MAPRE2: variants seen among roughly 807,000 people sequenced by gnomAD.
MAPRE2 encodes the protein microtubule-associated protein RP/EB family member 2.
A neutral mutation model predicts 43.2 loss-of-function variants in MAPRE2; 13 were observed. That is an observed-to-expected ratio of 0.30 (90% CI 0.20 to 0.48). MAPRE2 has a LOEUF of 0.48. MAPRE2 is among the 20% of genes least tolerant of loss of function. The probability of loss-of-function intolerance (pLI) is 0.99; values close to 1 mark genes in which losing one functional copy is unlikely to be tolerated. For synonymous variants in MAPRE2, 135 were observed against 148.8 expected (o/e 0.91, Z 0.68); for missense variants, 161 against 400.2 (o/e 0.40, Z 5.10).
At chr18:35,049,360 G>GA (rs1331322517) in intron 1 of MAPRE2, among the ~76,000 whole-genome samples, 1 of 152,162 alleles carries the variant, frequency 6.6e-6, no homozygotes, top group African/African-American at 2.4e-5. Context: ...TGGAGTGCCA[G>GA]AAAGTGTTTT....
intron 2 of MAPRE2, among the ~76,000 whole-genome samples, chr18:35,008,677 T>A (rs1289511434): frequency 1.3e-5 from 2 of 152,200 alleles, no homozygotes; most frequent in Non-Finnish European, 2.9e-5. Flanking sequence ...TTTATACAGA[T>A]CTTGTTGTTG....
intron 1 of MAPRE2, among the ~76,000 whole-genome samples, chr18:35,052,087 A>G (rs968683082): frequency 1.3e-5 from 2 of 152,204 alleles, no homozygotes; most frequent in African/African-American, 4.8e-5. Flanking sequence ...CAACTTTATT[A>G]AGAATTTATG....
At chr18:34,979,688 A>G (rs564012454) in intron 1 of MAPRE2, among the ~76,000 whole-genome samples, 1 of 152,254 alleles carries the variant, frequency 6.6e-6, no homozygotes, top group African/African-American at 2.4e-5. Flanking sequence ...AAAGTCAAAT[A>G]CTACTTGATT....
rs562466092 is a variant in MAPRE2 at position 35,140,404 on chromosome 18, G to C, written c.*35G>C. 7 of 1,568,710 alleles carry C rather than the reference G, an allele frequency of 4.5e-6. No individual in the cohort carries two copies. Among genetic ancestry groups the C allele is most frequent in the Non-Finnish European group, 6.1e-6 (7 of 1,152,766 alleles). On this transcript the variant is annotated 3_prime_UTR_variant, in exon 7 of 7. Coordinates refer to ENST00000300249, the MANE Select transcript of MAPRE2 (RefSeq NM_014268.4). ...GCTGCTCTTGACACTTCCATTGTGT[G>C]TGGGAACGTTTCTTCTGGAGAATTG...
intron 4 of MAPRE2, among the ~76,000 whole-genome samples, chr18:35,116,077 A>T (rs1603402668): frequency 6.6e-6 from 1 of 152,228 alleles, no homozygotes; most frequent in South Asian, 2.1e-4. Flanking sequence ...ATCTGACAAT[A>T]AATAGGCAAT....
chr18:34,998,772 A>ATTTTATTTTTTTTTTTTTTT (rs2097027862), intron 1 of MAPRE2, among the ~76,000 whole-genome samples: 4 of 93,732 alleles, frequency 4.3e-5, no homozygotes, highest in African/African-American at 2.0e-4. Context: ...CGAAGTTGCA[A>ATTTTATTTTTTTTTTTTTTT]TTTTTTTTTT....
At chr18:35,022,276 G>A (rs2097042366) in intron 2 of MAPRE2, among the ~76,000 whole-genome samples, 1 of 152,062 alleles carries the variant, frequency 6.6e-6, no homozygotes, top group Admixed American at 6.6e-5. Flanking sequence ...AGAAATACCA[G>A]GATGCTAGCA....
intron 1 of MAPRE2, among the ~76,000 whole-genome samples, chr18:34,993,073 T>G (rs1485974983): frequency 6.6e-6 from 1 of 152,166 alleles, no homozygotes; most frequent in Non-Finnish European, 1.5e-5. Flanking sequence ...TGTGATTTTG[T>G]GCTACTGCAC....
chr18:35,019,832 A>C (rs1344966699), intron 2 of MAPRE2, among the ~76,000 whole-genome samples: 1 of 152,058 alleles, frequency 6.6e-6, no homozygotes, highest in African/African-American at 2.4e-5. Context: ...CATGTTTTCT[A>C]TTACAGCGTG....
intron 2 of MAPRE2, among the ~76,000 whole-genome samples, chr18:35,031,084 T>G (rs929535536): frequency 6.6e-6 from 1 of 152,246 alleles, no homozygotes; most frequent in Admixed American, 6.5e-5. Flanking sequence ...CCTTCCTTGC[T>G]TTAGTTGTCT....
chr18:35,074,242 T>C (rs757932304), intron 2 of MAPRE2, among the ~76,000 whole-genome samples: 6 of 152,242 alleles, frequency 3.9e-5, no homozygotes, highest in Non-Finnish European at 5.9e-5. Context: ...AGATATTTTA[T>C]ATTTTAATTC....
chr18:35,137,985 A>T (rs528192987), intron 6 of MAPRE2, among the ~76,000 whole-genome samples: 1 of 152,236 alleles, frequency 6.6e-6, no homozygotes, highest in African/African-American at 2.4e-5. Context: ...AGAGGAGAGC[A>T]CTGGCTTAGG....
chr18:34,992,011 T>C (rs1488358692), intron 1 of MAPRE2, among the ~76,000 whole-genome samples: 2 of 152,178 alleles, frequency 1.3e-5, no homozygotes, highest in Non-Finnish European at 1.5e-5. Context: ...GTTTTTTATG[T>C]TTTGGGTTTT....
chr18:34,994,132 G>C (rs1040119632), intron 1 of MAPRE2, among the ~76,000 whole-genome samples: 1 of 151,832 alleles, frequency 6.6e-6, no homozygotes, highest in Non-Finnish European at 1.5e-5. Context: ...TACTAACTGG[G>C]AGGATGGGGA....
At chr18:35,097,680 G>A in intron 3 of MAPRE2, 89 bp downstream of exon 3, 1 of 1,181,252 alleles carries the variant, frequency 8.5e-7, no homozygotes, top group Non-Finnish European at 1.2e-6. Flanking sequence ...CATACCAATG[G>A]GATATATCTT....
intron 1 of MAPRE2, among the ~76,000 whole-genome samples, chr18:34,995,338 A>G (rs182631057): frequency 2.0e-4 from 31 of 152,300 alleles, no homozygotes; most frequent in Admixed American, 1.9e-3. Context: ...GCATCTTCCT[A>G]TCTCTCAAGC....
intron 4 of MAPRE2, among the ~76,000 whole-genome samples, chr18:35,103,407 A>G (rs930998741): frequency 4.6e-5 from 7 of 152,216 alleles, no homozygotes; most frequent in African/African-American, 1.7e-4. Flanking sequence ...GTTTTGTTCA[A>G]GAAGTGCTGA....
At chr18:35,103,434 G>T (rs1037968649) in intron 4 of MAPRE2, among the ~76,000 whole-genome samples, 1 of 152,096 alleles carries the variant, frequency 6.6e-6, no homozygotes, top group Admixed American at 6.6e-5. Context: ...ACCAGATTTG[G>T]GAAGAAATCT....
rs542937285 is a variant in MAPRE2 at position 35,010,104 on chromosome 18, A to G, written c.-8+4551A>G. On this transcript the variant is annotated intron_variant, in intron 2 of 7. Coordinates refer to the MAPRE2 transcript ENST00000413393. ...TTTACAATTTTTAATTAAAATTTTA[A>G]TTTAGACCATGGTAGGTCACGCCTG... is the stretch of plus-strand genomic sequence containing the variant. Among the ~76,000 whole-genome samples, 8 of 152,318 alleles carry G rather than the reference A, an allele frequency of 5.3e-5. No homozygotes were observed. The South Asian group carries it at 1.5e-3, about 28-fold the overall frequency.
Sources: allele counts gnomAD v4.1 joint callset (sites outside exome capture counted in the v4.1 genomes callset), GRCh38; gene constraint gnomAD v4.1.1; transcripts MANE v1.5; gene names NCBI Gene and HGNC (gene_info 2026-07-23, HGNC 2026-07-21).